The following ST6GALNAC5 variants were observed in gnomAD, a reference collection of about 807,000 sequenced individuals.
ST6GALNAC5 encodes alpha-N-acetylgalactosaminide alpha-2,6-sialyltransferase 5.
In ST6GALNAC5, 27 loss-of-function variants were observed where a neutral mutation model predicts 33.6. The ratio of observed to expected loss-of-function variants is 0.80; its 90% CI spans 0.59 to 1.11. The LOEUF is 1.11. Among genes scored for constraint, ST6GALNAC5 ranks in the 50% least tolerant of loss-of-function variants. The probability of loss-of-function intolerance (pLI) is 0.00; values close to 1 mark genes in which losing one functional copy is unlikely to be tolerated. For missense variants in ST6GALNAC5, 428 were observed against 454.0 expected (o/e 0.94, Z 0.52); for synonymous variants, 194 against 171.2 (o/e 1.13, Z -1.04).
At chr1:76,918,606 G>C (rs1457409800) in intron 2 of ST6GALNAC5, among the ~76,000 whole-genome samples, 1 of 110,860 alleles carries the variant, frequency 9.0e-6, no homozygotes, top group Non-Finnish European at 1.7e-5. Context: ...GACAGAGTGA[G>C]ACTCCATCTC....
chr1:76,971,932 T>A (rs1001115749), intron 2 of ST6GALNAC5, among the ~76,000 whole-genome samples: 1 of 152,228 alleles, frequency 6.6e-6, no homozygotes, highest in Non-Finnish European at 1.5e-5. Context: ...TAGACCTGCA[T>A]TCATCCAGTT....
chr1:76,990,672 G>GA (rs1649689052), intron 2 of ST6GALNAC5, among the ~76,000 whole-genome samples: 1 of 152,102 alleles, frequency 6.6e-6, no homozygotes, highest in Non-Finnish European at 1.5e-5. Context: ...AGAGCCGATG[G>GA]AAAAATGGAT....
chr1:76,965,142 C>G (rs1648407521), intron 2 of ST6GALNAC5, among the ~76,000 whole-genome samples: 1 of 152,206 alleles, frequency 6.6e-6, no homozygotes, highest in South Asian at 2.1e-4. Context: ...ATGGCTGGGT[C>G]AAATGATAAT....
intron 2 of ST6GALNAC5, among the ~76,000 whole-genome samples, chr1:77,028,994 T>G (rs199689): frequency 0.33 from 50,419 of 152,026 alleles, 9,503 homozygotes; most frequent in African/African-American, 0.51. Context: ...CAAGGACAGG[T>G]TACATTTGGA....
At chr1:76,978,767 T>C (rs1649128090) in intron 2 of ST6GALNAC5, among the ~76,000 whole-genome samples, 1 of 152,190 alleles carries the variant, frequency 6.6e-6, no homozygotes, top group Non-Finnish European at 1.5e-5. Context: ...GTACTGGAAG[T>C]TCTAGGCAGA....
intron 2 of ST6GALNAC5, among the ~76,000 whole-genome samples, chr1:76,991,089 C>T (rs977785091): frequency 6.6e-6 from 1 of 152,106 alleles, no homozygotes; most frequent in African/African-American, 2.4e-5. Context: ...ACCAAATCAA[C>T]AGCCAGATAG....
intron 2 of ST6GALNAC5, among the ~76,000 whole-genome samples, chr1:77,037,650 G>A (rs1007556675): frequency 2.0e-5 from 3 of 152,150 alleles, no homozygotes; most frequent in Non-Finnish European, 4.4e-5. Context: ...CTAAGCAGGT[G>A]AGTGACATAA....
intron 2 of ST6GALNAC5, among the ~76,000 whole-genome samples, chr1:77,020,153 C>T (rs575393549): frequency 6.6e-6 from 1 of 152,258 alleles, no homozygotes; most frequent in South Asian, 2.1e-4. Context: ...ATTGGGCATG[C>T]TTTTTTAACT....
chr1:76,996,577 C>G (rs1022005462), intron 2 of ST6GALNAC5, among the ~76,000 whole-genome samples: 1 of 152,144 alleles, frequency 6.6e-6, no homozygotes, highest in African/African-American at 2.4e-5. Flanking sequence ...CAAACGTTAA[C>G]AACTATTAGC....
intron 2 of ST6GALNAC5, among the ~76,000 whole-genome samples, chr1:76,929,985 G>T (rs542534168): frequency 6.6e-6 from 1 of 152,056 alleles, no homozygotes; most frequent in East Asian, 1.9e-4. Context: ...ACACTTGGTT[G>T]TTTTCATATT....
chr1:76,898,088 C>T (rs1437924820), intron 2 of ST6GALNAC5, among the ~76,000 whole-genome samples: 1 of 152,152 alleles, frequency 6.6e-6, no homozygotes. Flanking sequence ...AGCCTTGGGC[C>T]AGAGTTCCAG....
chr1:76,986,109 T>G (rs946629368), intron 2 of ST6GALNAC5, among the ~76,000 whole-genome samples: 3 of 152,180 alleles, frequency 2.0e-5, no homozygotes, highest in African/African-American at 7.2e-5. Flanking sequence ...AAGGACTTCA[T>G]GACTAAAACA....
chr1:76,906,591 T>C (rs1475305285), intron 2 of ST6GALNAC5, among the ~76,000 whole-genome samples: 1 of 152,186 alleles, frequency 6.6e-6, no homozygotes, highest in Admixed American at 6.5e-5. Flanking sequence ...TTTTTGATTG[T>C]TGAGTACAGG....
chr1:77,005,273 C>G (rs1384932229), intron 2 of ST6GALNAC5, among the ~76,000 whole-genome samples: 1 of 152,192 alleles, frequency 6.6e-6, no homozygotes, highest in African/African-American at 2.4e-5. Flanking sequence ...TCTGTCACCC[C>G]TTTCTTTGAC....
At chr1:76,955,051 A>C in intron 2 of ST6GALNAC5, among the ~76,000 whole-genome samples, 2 of 152,204 alleles carry the variant, frequency 1.3e-5, no homozygotes, top group East Asian at 3.9e-4. Context: ...AGAGGTGGAC[A>C]GTGAACAAAT....
At chr1:76,993,651 GA>G (rs1649818075) in intron 2 of ST6GALNAC5, among the ~76,000 whole-genome samples, 1 of 152,142 alleles carries the variant, frequency 6.6e-6, no homozygotes, top group Non-Finnish European at 1.5e-5. Flanking sequence ...TATTGTTGGA[GA>G]AATTTGCAAA....
intron 2 of ST6GALNAC5, among the ~76,000 whole-genome samples, chr1:76,922,935 C>CAA (rs552411649): frequency 0.015 from 1,402 of 93,400 alleles, 19 homozygotes; most frequent in African/African-American, 0.049. Flanking sequence ...AACCTTGCCT[C>CAA]AAAAAAAAAA....
chr1:76,917,738 T>C (rs992360895), intron 2 of ST6GALNAC5, among the ~76,000 whole-genome samples: 2 of 152,084 alleles, frequency 1.3e-5, no homozygotes, highest in Non-Finnish European at 1.5e-5. Flanking sequence ...CTAAGAGCTA[T>C]AGTCTCCAGG....
intron 2 of ST6GALNAC5, among the ~76,000 whole-genome samples, chr1:76,874,678 T>C (rs1410599645): frequency 6.6e-6 from 1 of 152,190 alleles, no homozygotes; most frequent in Non-Finnish European, 1.5e-5. Context: ...GATTAGATTG[T>C]GCTCATGAGA....
Sources: allele counts gnomAD v4.1 joint callset (sites outside exome capture counted in the v4.1 genomes callset), GRCh38; gene constraint gnomAD v4.1.1; transcripts MANE v1.5; gene names NCBI Gene and HGNC (gene_info 2026-07-23, HGNC 2026-07-21).